Variants in INPP1 observed in about 807,000 individuals in gnomAD.
INPP1 encodes inositol polyphosphate-1-phosphatase.
Under a neutral mutation model 23.0 loss-of-function variants are expected in INPP1, and 18 were observed. The observed-to-expected ratio is 0.78, with a 90% CI of 0.54 to 1.16. INPP1 has a LOEUF of 1.16. Among genes scored for constraint, INPP1 ranks in the 50% most tolerant of loss-of-function variants. The pLI, the probability that INPP1 is intolerant of heterozygous loss-of-function variation, is 0.00. For synonymous variants in INPP1, 164 were observed against 176.3 expected, an observed-to-expected ratio of 0.93 and a Z score of 0.55; for missense variants, 448 against 482.1, an observed-to-expected ratio of 0.93 and a Z score of 0.66.
At chr2:190,353,548 CATTT>C (rs1380521940) in intron 2 of INPP1, among the ~76,000 whole-genome samples, 1 of 152,184 alleles carries the variant, frequency 6.6e-6, no homozygotes, top group Non-Finnish European at 1.5e-5. Context: ...TCATAGCTAT[CATTT>C]ATTATCTGCC....
chr2:190,362,852 TTTAAC>T, intron 4 of INPP1, 165 bp downstream of exon 4: 1 of 446,606 alleles, frequency 2.2e-6, no homozygotes, highest in Non-Finnish European at 4.0e-6. Flanking sequence ...TATCATGCCA[TTTAAC>T]TTAAGTAGAG....
rs149339023 is a variant in INPP1, at chr2:190,352,986, G to T, written c.-65+3955G>T. On this transcript the variant is annotated intron_variant, in intron 2 of 6. Transcript: ENST00000392329. This position sits in a 1 kb window ranked among gnomAD's most constrained non-coding sequence, Gnocchi z 4.7. Reference sequence around the variant, plus strand: ...CGTGGGGGTGGGGTGGAGTCAATGCGCAATGGGCAAAAATGTGTACTCTGT... The same window carrying T: ...CGTGGGGGTGGGGTGGAGTCAATGCTCAATGGGCAAAAATGTGTACTCTGT... Among the ~76,000 whole-genome samples the T allele has an allele frequency of 8.4e-4, 128 of 152,258 alleles. No homozygotes were observed. Among genetic ancestry groups the T allele is most frequent in the African/African-American group, 2.9e-3 (121 of 41,542 alleles).
chr2:190,347,408 A>T (rs1395387789), intron 1 of INPP1, among the ~76,000 whole-genome samples: 2 of 152,154 alleles, frequency 1.3e-5, no homozygotes, highest in Non-Finnish European at 1.5e-5. Flanking sequence ...TATATAAAAA[A>T]ATTAAAGAAA....
At chr2:190,350,459 G>A (rs1689304546) in intron 2 of INPP1, among the ~76,000 whole-genome samples, 1 of 152,148 alleles carries the variant, frequency 6.6e-6, no homozygotes, top group Non-Finnish European at 1.5e-5. Context: ...TATTTTTAAT[G>A]TGTCTTACTT....
rs6725417 is a variant in INPP1 at position 190,355,790 on chromosome 2, A to G, written c.-64-4249A>G. Among the ~76,000 whole-genome samples, 10 of 152,188 alleles carry G rather than the reference A, an allele frequency of 6.6e-5. No homozygotes were observed. The highest frequency in any genetic ancestry group is 1.3e-4 in the Non-Finnish European group (9 of 68,034). Reference sequence around the variant, plus strand: ...TGATGAGTATGTAAACTTACTTTTTAAAAAATCATCTACTTCATCACGCAG... The same window carrying G: ...TGATGAGTATGTAAACTTACTTTTTGAAAAATCATCTACTTCATCACGCAG... On this transcript the variant is annotated intron_variant, in intron 2 of 6. Coordinates refer to ENST00000392329, the MANE Select transcript of INPP1 (RefSeq NM_001128928.2). This position sits in a 1 kb window ranked among gnomAD's most constrained non-coding sequence, Gnocchi z 5.1.
intron 3 of INPP1, among the ~76,000 whole-genome samples, chr2:190,360,718 G>A (rs1559083028): frequency 6.6e-6 from 1 of 151,950 alleles, no homozygotes; most frequent in Non-Finnish European, 1.5e-5. Flanking sequence ...CCTTCTATGT[G>A]TATGTGTGTA....
chr2:190,355,204 A>ATAGTACC lies in INPP1; in HGVS notation c.-64-4832_-64-4826dup, dbSNP rs1225331029. 1.3e-5 allele frequency among the ~76,000 whole-genome samples: 2 copies of ATAGTACC among 152,176 alleles called. No individual in the cohort carries two copies. Among genetic ancestry groups the ATAGTACC allele is most frequent in the Non-Finnish European group, 2.9e-5 (2 of 68,038 alleles). On this transcript the variant is annotated intron_variant, in intron 2 of 6. Transcript: ENST00000392329. This position sits in a 1 kb window ranked among gnomAD's most constrained non-coding sequence, Gnocchi z 5.1. ...GTTCTTCATCTGTAAAATGGAGATAATAGTACCTACTTCCTAAGGTTATAT... is the reference window on the plus strand; with the variant it reads ...GTTCTTCATCTGTAAAATGGAGATAATAGTACCTAGTACCTACTTCCTAAGGTTATAT...
chr2:190,366,641 T>C lies in INPP1; in HGVS notation c.266-54T>C, dbSNP rs1470083277. On this transcript the variant is annotated intron_variant, in intron 4 of 6. Coordinates refer to ENST00000392329, the MANE Select transcript of INPP1 (RefSeq NM_001128928.2). ...ACTCTTTAGCTCTCTCTCTCTGTTC[T>C]TTCTCCACTGAAACTCTTGAAATGT... 2.4e-6 allele frequency: 3 copies of C among 1,253,484 alleles called. No homozygotes were observed. In the East Asian group the frequency reaches 7.0e-5, roughly 29 times the overall value. The allele number at this position is 1,253,484 out of a possible 1,614,324, so 77.6% of individuals were successfully genotyped here.
At chr2:190,357,432 C>G (rs957036035) in intron 2 of INPP1, among the ~76,000 whole-genome samples, 1 of 152,158 alleles carries the variant, frequency 6.6e-6, no homozygotes, top group Non-Finnish European at 1.5e-5. Flanking sequence ...CTTTCAAGCT[C>G]TTTCTCTCTG....
chr2:190,362,892 A>G, intron 4 of INPP1: 1 of 381,518 alleles, frequency 2.6e-6, no homozygotes, highest in Non-Finnish European at 4.8e-6. Flanking sequence ...AGAATAATTT[A>G]GCAAGTCCAT....
At chr2:190,369,078 C>T in intron 5 of INPP1, 25 bp from the exon 6 acceptor site, 1 of 1,466,956 alleles carries the variant, frequency 6.8e-7, no homozygotes, top group South Asian at 1.3e-5. Context: ...TACCTGAATC[C>T]AAACACATTT....
At position 190,352,278 on chromosome 2, in the gene INPP1, G is replaced by C. The variant is rs946521701; in HGVS notation, c.-65+3247G>C. On this transcript the variant is annotated intron_variant, in intron 2 of 6. Transcript: ENST00000392329. The surrounding 1 kb of genome is among the most constrained non-coding windows in gnomAD (Gnocchi z 4.7). Reference sequence around the variant, plus strand: ...ATAGTGCAAAATCAGCTACTAAAAGGCTAAACTTAATCAGAGCCCATGAGG... The same window carrying C: ...ATAGTGCAAAATCAGCTACTAAAAGCCTAAACTTAATCAGAGCCCATGAGG... 2.0e-5 allele frequency among the ~76,000 whole-genome samples: 3 copies of C among 152,098 alleles called. No homozygotes were observed. Among genetic ancestry groups the C allele is most frequent in the Admixed American group, 1.3e-4 (2 of 15,260 alleles).
rs3791811 is a variant in INPP1 at position 190,350,861 on chromosome 2, A to T, written c.-65+1830A>T. On this transcript the variant is annotated intron_variant, in intron 2 of 6. Coordinates refer to ENST00000392329, the MANE Select transcript of INPP1 (RefSeq NM_001128928.2). ...GTCACAGATAGGTCACCTCTAGATGAAAGGGGATAATTTTAGATTCTGATT... is the reference window on the plus strand; with the variant it reads ...GTCACAGATAGGTCACCTCTAGATGTAAGGGGATAATTTTAGATTCTGATT... Among the ~76,000 whole-genome samples the T allele has an allele frequency of 3.5e-4, 54 of 152,350 alleles. No homozygotes were observed. In the East Asian group the frequency reaches 0.01, roughly 29 times the overall value.
chr2:190,346,233 A>C lies in INPP1; in HGVS notation c.-209+2272A>C, dbSNP rs1029778249. ...TATTTCAAATAGACAAAAATGATAA[A>C]ATTTTAAAATAGTCAACAACAACAA... is the stretch of plus-strand genomic sequence containing the variant. On this transcript the variant is annotated intron_variant, in intron 1 of 6. Coordinates refer to ENST00000392329, the MANE Select transcript of INPP1 (RefSeq NM_001128928.2). This position sits in a 1 kb window ranked among gnomAD's most constrained non-coding sequence, Gnocchi z 5.1. Among the ~76,000 whole-genome samples the C allele has an allele frequency of 6.6e-6, 1 of 152,194 alleles. No homozygotes were observed. The highest frequency in any genetic ancestry group is 1.5e-5 in the Non-Finnish European group (1 of 68,028).
rs766995318 is a variant in INPP1, at chr2:190,371,048, T to C, written c.846T>C (p.Asp282=). Residue 282 remains aspartate, a synonymous_variant, in exon 7 of 7, where the codon GAT becomes GAC. Coordinates refer to ENST00000392329, the MANE Select transcript of INPP1 (RefSeq NM_001128928.2). The surrounding 1 kb of genome is among the most constrained non-coding windows in gnomAD (Gnocchi z 5.3). ...CTGCATTGTCACGTGTGTGTGGAGA[T>C]CGCATATTTGGGGCAGCTGGGGCTG... The part of the protein sequence containing the change: ...IKAALSRVCG[D]RIFGAAGAGY... 1.2e-6 allele frequency: 2 copies of C among 1,614,166 alleles called. No individual in the cohort carries two copies.
Position 190,356,408 on chromosome 2 carries a change from T to G in INPP1, c.-64-3631T>G, listed in dbSNP as rs1490740577. 6.6e-6 allele frequency: 1 copy of G among 152,258 alleles called. No homozygotes were observed. Among genetic ancestry groups the G allele is most frequent in the East Asian group, 1.9e-4 (1 of 5,206 alleles). The allele number at this position is 152,258 out of a possible 1,614,324, so 9.4% of individuals were successfully genotyped here. On this transcript the variant is annotated intron_variant, in intron 2 of 6. Coordinates refer to ENST00000392329, the MANE Select transcript of INPP1 (RefSeq NM_001128928.2). This position sits in a 1 kb window ranked among gnomAD's most constrained non-coding sequence, Gnocchi z 6.4. ...AGGGCTGCAGTGAATAGCCAGTACTTCTTTCCCATTGGTCAAGTTGCTGTG... is the reference window on the plus strand; with the variant it reads ...AGGGCTGCAGTGAATAGCCAGTACTGCTTTCCCATTGGTCAAGTTGCTGTG...
Position 190,362,678 on chromosome 2 carries a change from A to G in INPP1, c.256A>G (p.Asn86Asp). 6.3e-7 allele frequency: 1 copy of G among 1,591,442 alleles called. No homozygotes were observed. Among genetic ancestry groups the G allele is most frequent in the African/African-American group, 1.3e-5 (1 of 74,442 alleles). The part of the protein sequence containing the change: ...IFGEESNEFT[N>D]DWGEKITLRL... ...TGGAGAAGAATCCAATGAGTTTACTAATGACTGGGGTAAGTATAAGAATCT... is the reference window on the plus strand; with the variant it reads ...TGGAGAAGAATCCAATGAGTTTACTGATGACTGGGGTAAGTATAAGAATCT... Residue 86 changes from asparagine (N) to aspartate (D), a missense_variant, in exon 4 of 7, where the codon AAT becomes GAT. Transcript: ENST00000392329.
At position 190,360,090 on chromosome 2, in the gene INPP1, G is replaced by A. The variant is rs755677916; in HGVS notation, c.-13G>A. 47 of 1,611,246 alleles carry A rather than the reference G, an allele frequency of 2.9e-5. No homozygotes were observed. In the Admixed American group the frequency reaches 7.3e-4, roughly 25 times the overall value. On this transcript the variant is annotated 5_prime_UTR_variant, in exon 3 of 7. Transcript: ENST00000392329. ...TTCCACCAGCAGCTGCAACTGAAAA[G>A]CAAGGTTCAGAAATGTCAGATATCC...
intron 1 of INPP1, among the ~76,000 whole-genome samples, chr2:190,348,006 C>T (rs1162218417): frequency 2.6e-5 from 4 of 152,152 alleles, no homozygotes; most frequent in Non-Finnish European, 4.4e-5. Context: ...GGTGTGGTAG[C>T]GCGTGCCTGT....
Sources: gnomAD v4.1 joint callset for allele counts (sites outside exome capture counted in the v4.1 genomes callset) on GRCh38, gnomAD v4.1.1 for gene constraint, Gnocchi (gnomAD v3.1) non-coding constraint, MANE v1.5 for transcripts, NCBI Gene and HGNC (gene_info 2026-07-23, HGNC 2026-07-21) for gene names.